The following KAT6A variants were observed in gnomAD, a reference collection of about 807,000 sequenced individuals.
KAT6A encodes lysine acetyltransferase 6A.
In KAT6A, 9 loss-of-function variants were observed where a neutral mutation model predicts 198.4. The observed-to-expected ratio is 0.05, with a 90% CI of 0.03 to 0.08. The LOEUF (loss-of-function observed/expected upper bound fraction) is 0.08. KAT6A is among the 10% of genes least tolerant of loss of function. The probability of loss-of-function intolerance (pLI) is 1.00; values close to 1 mark genes in which losing one functional copy is unlikely to be tolerated. For synonymous variants in KAT6A, 890 were observed against 883.0 expected (o/e 1.01, Z -0.14); for missense variants, 2,077 against 2,509.9 (o/e 0.83, Z 3.69).
Position 41,931,091 on chromosome 8 carries a change from T to C in KAT6A, c.*1114A>G, listed in dbSNP as rs1169042616. ...TCCAACATAAAATAAACTGTTTCAA[T>C]GGTTTGTCAGTTATTTTTCAAATCA... On this transcript the variant is annotated 3_prime_UTR_variant, in exon 17 of 17. Transcript: ENST00000265713. The C allele has an allele frequency of 4.1e-5, 9 of 221,298 alleles. No individual in the cohort carries two copies. The highest frequency in any genetic ancestry group is 1.8e-4 in the African/African-American group (8 of 44,512). The allele number at this position is 221,298 out of a possible 1,614,324, so 13.7% of individuals were successfully genotyped here. A position where few individuals can be genotyped will look rare whatever the true frequency, so the allele number is the denominator to read the frequency against.
rs1208485020 is a variant in KAT6A at position 41,930,027 on chromosome 8, A to G, written c.*2178T>C. 1.8e-5 allele frequency: 4 copies of G among 225,294 alleles called. No homozygotes were observed. Among genetic ancestry groups the G allele is most frequent in the Non-Finnish European group, 3.5e-5 (4 of 113,044 alleles). 14.0% of individuals were successfully genotyped at this position (225,294 alleles called of 1,614,324 possible). A position where few individuals can be genotyped will look rare whatever the true frequency, so the allele number is the denominator to read the frequency against. Reference sequence around the variant, plus strand: ...ACAGGTACCAATATTACTGTGTTGGATAATTTCTTTTATAATATAGAAAAG... The same window carrying G: ...ACAGGTACCAATATTACTGTGTTGGGTAATTTCTTTTATAATATAGAAAAG... On this transcript the variant is annotated 3_prime_UTR_variant, in exon 17 of 17. Transcript: ENST00000265713.
intron 2 of KAT6A, among the ~76,000 whole-genome samples, chr8:42,047,774 T>C (rs1015149326): frequency 1.3e-5 from 2 of 152,142 alleles, no homozygotes; most frequent in Non-Finnish European, 2.9e-5. Context: ...CTGTCATAAA[T>C]AGCATTTAGG....
At chr8:41,935,233 C>A (rs773992236) in intron 16 of KAT6A, among the ~76,000 whole-genome samples, 9 of 152,174 alleles carry the variant, frequency 5.9e-5, no homozygotes, top group Non-Finnish European at 1.0e-4. Context: ...AAGTAGTAAG[C>A]AGTACTTTTA....
chr8:42,051,630 A>G (rs1287931039), intron 1 of KAT6A, among the ~76,000 whole-genome samples: 23 of 143,274 alleles, frequency 1.6e-4, no homozygotes, highest in African/African-American at 2.5e-4. Flanking sequence ...GGGGCCCGCG[A>G]GCGCGGGGCC....
At position 42,048,618 on chromosome 8, in the gene KAT6A, G is replaced by A; in HGVS notation, c.360C>T (p.Ser120=). 6.2e-7 allele frequency: 1 copy of A among 1,614,142 alleles called. No homozygotes were observed. Among genetic ancestry groups the A allele is most frequent in the Non-Finnish European group, 8.5e-7 (1 of 1,180,016 alleles). Residue 120 remains serine (S), a synonymous_variant, in exon 2 of 17, where the codon AGC becomes AGT. Coordinates refer to ENST00000265713, the MANE Select transcript of KAT6A (RefSeq NM_006766.5). ...TCTGACCTTTCAAAAAACGTTCAAT[G>A]CTTTTCAAAGTTGAGCCACCAGACT... ...LAESGGSTLK[S]IERFLKGQKD... is the part of the protein sequence containing the mutation.
chr8:42,028,023 C>A (rs1358026575), intron 2 of KAT6A, among the ~76,000 whole-genome samples: 1 of 152,090 alleles, frequency 6.6e-6, no homozygotes, highest in Admixed American at 6.6e-5. Context: ...TGTTCGGGAG[C>A]ATGCTGTTTA....
At chr8:42,025,764 T>C (rs897256174) in intron 2 of KAT6A, among the ~76,000 whole-genome samples, 1 of 152,304 alleles carries the variant, frequency 6.6e-6, no homozygotes, top group Admixed American at 6.5e-5. Flanking sequence ...GTTTAATATA[T>C]TCCCATTTGT....
intron 2 of KAT6A, among the ~76,000 whole-genome samples, chr8:42,039,989 C>T (rs1236911130): frequency 6.6e-6 from 1 of 151,862 alleles, no homozygotes; most frequent in African/African-American, 2.4e-5. Context: ...CCTCGAGATC[C>T]GCCTGCCTCG....
chr8:42,017,815 C>T (rs559091488), intron 2 of KAT6A, among the ~76,000 whole-genome samples: 13 of 152,146 alleles, frequency 8.5e-5, no homozygotes, highest in Non-Finnish European at 1.9e-4. Flanking sequence ...GAGAGGGAAG[C>T]TCTCAAAGTA....
intron 2 of KAT6A, among the ~76,000 whole-genome samples, chr8:42,012,909 T>C (rs117418169): frequency 0.012 from 1,836 of 152,234 alleles, 40 homozygotes; most frequent in South Asian, 0.082. Flanking sequence ...GACAACTACA[T>C]GGATGAATCC....
intron 2 of KAT6A, among the ~76,000 whole-genome samples, chr8:42,018,906 C>T (rs562408067): frequency 2.0e-5 from 3 of 152,038 alleles, no homozygotes; most frequent in South Asian, 2.1e-4. Flanking sequence ...GGCGACAGAG[C>T]GAGACTCTGC....
chr8:41,930,266 C>T lies in KAT6A; in HGVS notation c.*1939G>A. On this transcript the variant is annotated 3_prime_UTR_variant, in exon 17 of 17. Transcript: ENST00000265713. ...CCCTCCCGACCCACCCCGTCCCCAC[C>T]CCAACCAGGAAGCAATGACACAGCT... 4.4e-6 allele frequency: 1 copy of T among 226,966 alleles called. No homozygotes were observed. The highest frequency in any genetic ancestry group is 1.9e-4 in the South Asian group (1 of 5,386). The allele number at this position is 226,966 out of a possible 1,614,324, so 14.1% of individuals were successfully genotyped here.
At chr8:42,011,947 T>C (rs532568797) in intron 2 of KAT6A, among the ~76,000 whole-genome samples, 32 of 145,374 alleles carry the variant, frequency 2.2e-4, no homozygotes, top group Non-Finnish European at 4.1e-4. Flanking sequence ...CTGAAAAAGA[T>C]AGGCAAACTA....
chr8:41,984,133 A>T (rs1026102966), intron 3 of KAT6A, among the ~76,000 whole-genome samples: 1 of 152,204 alleles, frequency 6.6e-6, no homozygotes, highest in Non-Finnish European at 1.5e-5. Flanking sequence ...TTCTTTGGCT[A>T]TTGTGACAGC....
At chr8:42,028,735 G>A (rs559751121) in intron 2 of KAT6A, among the ~76,000 whole-genome samples, 13 of 152,252 alleles carry the variant, frequency 8.5e-5, no homozygotes, top group African/African-American at 2.9e-4. Flanking sequence ...ATTATTGACA[G>A]CTGAAGACTT....
chr8:42,027,241 T>TTTG (rs1290124736), intron 2 of KAT6A, among the ~76,000 whole-genome samples: 1 of 152,258 alleles, frequency 6.6e-6, no homozygotes. Context: ...GTAGTTTTCT[T>TTTG]TTGTTGTTGT....
chr8:42,007,299 C>T (rs552467247), intron 2 of KAT6A, among the ~76,000 whole-genome samples: 1 of 152,268 alleles, frequency 6.6e-6, no homozygotes, highest in African/African-American at 2.4e-5. Context: ...GTTCTTTAAT[C>T]CTAATTCTCC....
At chr8:42,016,055 C>A (rs779072805) in intron 2 of KAT6A, among the ~76,000 whole-genome samples, 3 of 152,134 alleles carry the variant, frequency 2.0e-5, no homozygotes, top group Non-Finnish European at 2.9e-5. Context: ...AGAAACTGCA[C>A]GTTAACAGCA....
intron 2 of KAT6A, among the ~76,000 whole-genome samples, chr8:42,028,961 T>G (rs1271968478): frequency 6.6e-6 from 1 of 152,236 alleles, no homozygotes; most frequent in African/African-American, 2.4e-5. Context: ...AGAACTCCCT[T>G]AAGCATTTCT....
Sources: allele counts gnomAD v4.1 joint callset (sites outside exome capture counted in the v4.1 genomes callset), GRCh38; gene constraint gnomAD v4.1.1; transcripts MANE v1.5; gene names NCBI Gene and HGNC (gene_info 2026-07-23, HGNC 2026-07-21).